SERINC2: variants seen among roughly 807,000 people sequenced by gnomAD.
The protein encoded by SERINC2 is tumor differentially expressed protein 2.
SERINC2 carries 56 observed loss-of-function variants against 54.2 expected under a neutral mutation model. That is an observed-to-expected ratio of 1.03 (90% CI 0.83 to 1.29). The LOEUF is 1.29. Among genes scored for constraint, SERINC2 ranks in the 50% most tolerant of loss-of-function variants. The pLI, the probability that SERINC2 is intolerant of heterozygous loss-of-function variation, is 0.00. For missense variants in SERINC2, 614 were observed against 607.4 expected (o/e 1.01, Z -0.12); for synonymous variants, 272 against 253.1 (o/e 1.07, Z -0.71).
chr1:31,433,301 G>A (rs528753196), intron 9 of SERINC2, 116 bp downstream of exon 9: 354 of 857,982 alleles, frequency 4.1e-4, no homozygotes, highest in South Asian at 8.9e-4. Flanking sequence ...TGGGGGTGGC[G>A]GTGTGTATCA....
intron 8 of SERINC2, 83 bp downstream of exon 8, chr1:31,429,621 A>G (rs1553134193): frequency 2.1e-6 from 3 of 1,422,290 alleles, no homozygotes; most frequent in Admixed American, 4.3e-5. Context: ...GAGCCAGGAT[A>G]CCAAACTGGA....
intron 3 of SERINC2, among the ~76,000 whole-genome samples, 200 bp downstream of exon 3, chr1:31,425,073 G>A (rs937774859): frequency 3.3e-5 from 5 of 152,204 alleles, no homozygotes; most frequent in Admixed American, 6.5e-5. Flanking sequence ...CTCAGGCCCC[G>A]CAGCACTTCA....
intron 1 of SERINC2, among the ~76,000 whole-genome samples, chr1:31,421,780 G>T (rs537100742): frequency 1.3e-5 from 2 of 152,324 alleles, no homozygotes; most frequent in Non-Finnish European, 2.9e-5. Flanking sequence ...TCCTGTTCCT[G>T]ACTGCTGGTG....
chr1:31,427,824 C>CTTTTT (rs71035099), intron 6 of SERINC2, among the ~76,000 whole-genome samples: 1 of 76,530 alleles, frequency 1.3e-5, no homozygotes, highest in African/African-American at 4.1e-5. Context: ...TTCTTTCTTT[C>CTTTTT]TTTTTTTTTT....
At chr1:31,422,510 A>T (rs12078794) in intron 1 of SERINC2, among the ~76,000 whole-genome samples, 2,365 of 152,092 alleles carry the variant, frequency 0.016, 56 homozygotes, top group African/African-American at 0.054. Context: ...CTTCCCTGAC[A>T]TGCCACCCTC....
In SERINC2 at chr1:31,431,859, TAGGGTGGATAGGGTGGACAGGGTGGAC is replaced by T. The variant is rs1557500055; in HGVS notation, c.1014-1090_1014-1064del. ...GGGTGGATAGGGTGGATAGGGTGGATAGGGTGGATAGGGTGGACAGGGTGGACAGGGTGGATAGGGTGGATAGGGTGG... is the reference window on the plus strand; with the variant it reads ...GGGTGGATAGGGTGGATAGGGTGGATAGGGTGGATAGGGTGGATAGGGTGG... On this transcript the variant is annotated intron_variant, in intron 8 of 9. Coordinates refer to ENST00000373709, the MANE Select transcript of SERINC2 (RefSeq NM_178865.5). Among the ~76,000 whole-genome samples, 7 of 24,912 alleles carry T rather than the reference TAGGGTGGATAGGGTGGACAGGGTGGAC, an allele frequency of 2.8e-4. 2 individuals are homozygous for T. The highest frequency in any genetic ancestry group is 3.3e-4 in the Non-Finnish European group (2 of 6,118). The allele number at this position is 24,912 out of a possible 152,430, so 16.3% of individuals were successfully genotyped here. A position where few individuals can be genotyped will look rare whatever the true frequency, so the allele number is the denominator to read the frequency against.
At chr1:31,410,840 G>A (rs1337457476), upstream of SERINC2, among the ~76,000 whole-genome samples, 1 of 152,170 alleles carries the variant, frequency 6.6e-6, no homozygotes, top group African/African-American at 2.4e-5. Flanking sequence ...GATAGGGAGG[G>A]GTTGGGGGTG....
chr1:31,418,124 G>A (rs1192342502), intron 1 of SERINC2, among the ~76,000 whole-genome samples: 1 of 152,148 alleles, frequency 6.6e-6, no homozygotes, highest in African/African-American at 2.4e-5. Context: ...CTCCCAAAGT[G>A]CAGGGGTTAC....
At chr1:31,415,121 G>C (rs1397533280) in intron 1 of SERINC2, among the ~76,000 whole-genome samples, 2 of 152,188 alleles carry the variant, frequency 1.3e-5, no homozygotes, top group African/African-American at 4.8e-5. Flanking sequence ...GAAGATAGCT[G>C]ACTTTCCTAA....
At chr1:31,420,013 A>AT (rs11382546) in intron 1 of SERINC2, among the ~76,000 whole-genome samples, 72,503 of 151,766 alleles carry the variant, frequency 0.48, 17,978 homozygotes, top group East Asian at 0.8. Context: ...TGTCTCAAAA[A>AT]TTTTTCCCCC....
At chr1:31,414,673 C>T (rs1156640020) in intron 1 of SERINC2, 2 of 985,294 alleles carry the variant, frequency 2.0e-6, no homozygotes, top group East Asian at 1.1e-4. Flanking sequence ...CCCTCCCAGC[C>T]CAAAGAATTC....
intron 1 of SERINC2, among the ~76,000 whole-genome samples, chr1:31,418,587 A>G (rs1570032731): frequency 6.6e-6 from 1 of 152,142 alleles, no homozygotes; most frequent in Non-Finnish European, 1.5e-5. Context: ...TGTTGGCAGG[A>G]TGGTCTCAAA....
chr1:31,429,663 T>G, intron 8 of SERINC2, 125 bp downstream of exon 8: 4 of 1,101,198 alleles, frequency 3.6e-6, no homozygotes, highest in Non-Finnish European at 5.1e-6. Context: ...TATCCAGGTC[T>G]TGCATTGTGC....
chr1:31,426,894 G>A lies in SERINC2; in HGVS notation c.780+71G>A, dbSNP rs1413552703. The A allele has an allele frequency of 5.6e-6, 8 of 1,432,366 alleles. No homozygotes were observed. The African/African-American group carries it at 7.0e-5, about 13-fold the overall frequency. The allele number at this position is 1,432,366 out of a possible 1,614,324, so 88.7% of individuals were successfully genotyped here. On this transcript the variant is annotated intron_variant, in intron 6 of 9. Coordinates refer to ENST00000373709, the MANE Select transcript of SERINC2 (RefSeq NM_178865.5). ...GGGTGGGACTTCTTGTAGGAACCTG[G>A]GTCCTGGGGCTAGGGCTGTCATCAC...
intron 1 of SERINC2, chr1:31,414,862 T>A: frequency 1.3e-6 from 1 of 767,360 alleles, no homozygotes; most frequent in Non-Finnish European, 1.6e-6. Flanking sequence ...GGTCACCCCA[T>A]CTGGCAGTTG....
In SERINC2 at chr1:31,433,068, G is replaced by A; in HGVS notation, c.1115G>A (p.Cys372Tyr). Residue 372 changes from cysteine to tyrosine, a missense_variant, in exon 9 of 10, where the codon TGT (cysteine) becomes TAT (tyrosine). Physicochemically the swap from Cys to Tyr is radical, Grantham distance 194. Coordinates refer to ENST00000373709, the MANE Select transcript of SERINC2 (RefSeq NM_178865.5). ...ATQQQQQVAA[C>Y]EGRAFDNEQD... ...CAGCAGCAGCAGCAGGTGGCAGCCT[G>A]TGAGGGCCGGGCCTTTGACAACGAG... The A allele has an allele frequency of 6.2e-7, 1 of 1,613,346 alleles. No homozygotes were observed. Among genetic ancestry groups the A allele is most frequent in the Non-Finnish European group, 8.5e-7 (1 of 1,179,982 alleles).
At chr1:31,426,151 G>T (rs1641036221) in intron 5 of SERINC2, 1 of 510,926 alleles carries the variant, frequency 2.0e-6, no homozygotes. Flanking sequence ...CTTGTTTGGG[G>T]GTTCCTGCAG....
rs1553135067 is a variant in SERINC2, at chr1:31,433,112, A to C, written c.1159A>C (p.Ser387Arg). The C allele has an allele frequency of 6.2e-7, 1 of 1,613,584 alleles. No homozygotes were observed. Among genetic ancestry groups the C allele is most frequent in the African/African-American group, 1.3e-5 (1 of 74,910 alleles). The change falls in exon 9 of 10, where the codon AGC becomes CGC. Residue 387 changes from serine to arginine, a missense_variant. Transcript: ENST00000373709. ...CAACGAGCAGGACGGCGTCACCTAC[A>C]GCTACTCCTTCTTCCACTTCTGCCT... ...FDNEQDGVTY[S>R]YSFFHFCLVL...
At chr1:31,415,641 T>C (rs917437975) in intron 1 of SERINC2, among the ~76,000 whole-genome samples, 21 of 152,230 alleles carry the variant, frequency 1.4e-4, no homozygotes, top group African/African-American at 1.4e-4. Flanking sequence ...ATGAGGAAAC[T>C]GGCTCAGAGA....
Sources: gnomAD v4.1 joint callset for allele counts (sites outside exome capture counted in the v4.1 genomes callset) on GRCh38, gnomAD v4.1.1 for gene constraint, MANE v1.5 for transcripts, NCBI Gene and HGNC (gene_info 2026-07-23, HGNC 2026-07-21) for gene names.